HHAT: variants seen among roughly 807,000 people sequenced by gnomAD.
HHAT encodes protein-cysteine N-palmitoyltransferase HHAT.
In HHAT, 47 loss-of-function variants were observed where a neutral mutation model predicts 70.8. The ratio of observed to expected loss-of-function variants is 0.66; its 90% CI spans 0.53 to 0.85. HHAT has a LOEUF of 0.85. HHAT is among the 40% of genes least tolerant of loss of function. The pLI, the probability that HHAT is intolerant of heterozygous loss-of-function variation, is 0.00. For missense variants in HHAT, 609 were observed against 604.8 expected (o/e 1.01, Z -0.07); for synonymous variants, 228 against 247.6 (o/e 0.92, Z 0.74).
At chr1:210,439,541 T>G (rs2093457031) in intron 7 of HHAT, 1 of 151,858 alleles carries the variant, frequency 6.6e-6, no homozygotes, top group Non-Finnish European at 1.5e-5. Context: ...CCATCTAGAT[T>G]CCTTAGAATC....
intron 8 of HHAT, among the ~76,000 whole-genome samples, chr1:210,491,065 G>GAGAC (rs34836201): frequency 7.5e-6 from 1 of 132,592 alleles, no homozygotes; most frequent in Non-Finnish European, 1.6e-5. Context: ...CACACACATA[G>GAGAC]TGTGTGTGTG....
chr1:210,385,489 TG>T (rs1488570817), intron 3 of HHAT, among the ~76,000 whole-genome samples: 1 of 152,178 alleles, frequency 6.6e-6, no homozygotes, highest in Non-Finnish European at 1.5e-5. Context: ...AGTTCTCTGC[TG>T]TGCTGCCTGG....
chr1:210,507,065 G>T (rs2094868694), intron 8 of HHAT, among the ~76,000 whole-genome samples: 1 of 152,142 alleles, frequency 6.6e-6, no homozygotes, highest in Non-Finnish European at 1.5e-5. Flanking sequence ...TGTTAAATGA[G>T]TCTGTGGTTG....
At position 210,548,974 on chromosome 1, in the gene HHAT, C is replaced by T. The variant is rs771430749; in HGVS notation, c.1043+35786C>T. ...GCTCATGGGTTCAGCCAGGGCAGGGCTTCTCAGATGGCAGTGCAGTGCAGC... is the reference window on the plus strand; with the variant it reads ...GCTCATGGGTTCAGCCAGGGCAGGGTTTCTCAGATGGCAGTGCAGTGCAGC... On this transcript the variant is annotated intron_variant, in intron 9 of 11. Transcript: ENST00000261458. Among the ~76,000 whole-genome samples the T allele has an allele frequency of 1.4e-4, 22 of 152,204 alleles. 1 individual carries two copies. Among genetic ancestry groups the T allele is most frequent in the Non-Finnish European group, 2.6e-4 (18 of 68,036 alleles).
chr1:210,339,946 A>G (rs2085858732), intron 1 of HHAT, among the ~76,000 whole-genome samples: 1 of 152,188 alleles, frequency 6.6e-6, no homozygotes, highest in African/African-American at 2.4e-5. Context: ...CACCTCTTCC[A>G]GTCTATCTAG....
intron 4 of HHAT, among the ~76,000 whole-genome samples, chr1:210,388,761 T>C (rs1398316399): frequency 3.3e-5 from 5 of 152,332 alleles, no homozygotes; most frequent in Middle Eastern, 3.4e-3. Context: ...AGTTTTTTTT[T>C]CCCCAAGAAT....
At chr1:210,515,335 C>T (rs1011901966) in intron 9 of HHAT, among the ~76,000 whole-genome samples, 23 of 152,318 alleles carry the variant, frequency 1.5e-4, no homozygotes, top group Admixed American at 1.5e-3. Flanking sequence ...CATCTTTCCT[C>T]TTCCCAGCTT....
At chr1:210,397,446 G>A (rs1257082288) in intron 4 of HHAT, among the ~76,000 whole-genome samples, 2 of 151,146 alleles carry the variant, frequency 1.3e-5, no homozygotes, top group Non-Finnish European at 2.9e-5. Flanking sequence ...GTATGTGTGT[G>A]ACCAAATCTT....
intron 9 of HHAT, among the ~76,000 whole-genome samples, chr1:210,575,234 C>G (rs1160667843): frequency 6.6e-6 from 1 of 152,052 alleles, no homozygotes; most frequent in African/African-American, 2.4e-5. Context: ...CTTTTAGTAC[C>G]CCCTACCCCG....
At chr1:210,672,362 C>G (rs950936132) in intron 11 of HHAT, among the ~76,000 whole-genome samples, 4 of 152,220 alleles carry the variant, frequency 2.6e-5, no homozygotes, top group African/African-American at 9.6e-5. Flanking sequence ...GTCTGCCTGC[C>G]TCCTCCCTAT....
At chr1:210,648,191 T>C (rs1674453381) in intron 11 of HHAT, among the ~76,000 whole-genome samples, 1 of 151,898 alleles carries the variant, frequency 6.6e-6, no homozygotes, top group Admixed American at 6.6e-5. Context: ...CTTGGATCTC[T>C]GCTATCTCCA....
At chr1:210,335,118 T>A (rs2085360481) in intron 1 of HHAT, among the ~76,000 whole-genome samples, 1 of 152,104 alleles carries the variant, frequency 6.6e-6, no homozygotes, top group African/African-American at 2.4e-5. Flanking sequence ...CAAATGCTCA[T>A]AAAGACAGAC....
chr1:210,335,583 A>G (rs570860217), intron 1 of HHAT, among the ~76,000 whole-genome samples: 1 of 152,336 alleles, frequency 6.6e-6, no homozygotes, highest in Admixed American at 6.5e-5. Context: ...AGCTACACAG[A>G]TTATGGAACT....
chr1:210,635,098 T>A (rs900518991), intron 11 of HHAT, among the ~76,000 whole-genome samples: 1 of 152,226 alleles, frequency 6.6e-6, no homozygotes, highest in Non-Finnish European at 1.5e-5. Flanking sequence ...CTTGCCTTAA[T>A]ATCTGTCTTA....
At chr1:210,413,418 C>G (rs1182663013) in intron 6 of HHAT, among the ~76,000 whole-genome samples, 1 of 152,206 alleles carries the variant, frequency 6.6e-6, no homozygotes, top group Non-Finnish European at 1.5e-5. Context: ...CTTTCTCATT[C>G]TTGATAGTAT....
chr1:210,610,639 A>C (rs1422017282), intron 10 of HHAT, among the ~76,000 whole-genome samples: 1 of 151,866 alleles, frequency 6.6e-6, no homozygotes, highest in African/African-American at 2.4e-5. Context: ...TAGGGTTTTT[A>C]TATTTTGGAT....
At chr1:210,459,987 T>C (rs12120185) in intron 7 of HHAT, among the ~76,000 whole-genome samples, 15,463 of 152,258 alleles carry the variant, frequency 0.1, 891 homozygotes, top group African/African-American at 0.15. Context: ...CATGGCTGGC[T>C]ATTGAGGCTG....
At chr1:210,347,438 G>T (rs925850463) in intron 1 of HHAT, among the ~76,000 whole-genome samples, 2 of 152,206 alleles carry the variant, frequency 1.3e-5, no homozygotes, top group Non-Finnish European at 2.9e-5. Flanking sequence ...GGTGGGGTTG[G>T]TGGGAGGTGC....
intron 7 of HHAT, among the ~76,000 whole-genome samples, chr1:210,430,090 A>G (rs2093198929): frequency 6.6e-6 from 1 of 151,890 alleles, no homozygotes; most frequent in Non-Finnish European, 1.5e-5. Context: ...TTCCTTCAAT[A>G]GTAGTGTCAA....
Sources: gnomAD v4.1 joint callset for allele counts (sites outside exome capture counted in the v4.1 genomes callset) on GRCh38, gnomAD v4.1.1 for gene constraint, MANE v1.5 for transcripts, NCBI Gene and HGNC (gene_info 2026-07-23, HGNC 2026-07-21) for gene names.